CCDC14: variants seen among roughly 807,000 people sequenced by gnomAD.
CCDC14 encodes the protein coiled-coil domain containing 14, also known as coiled-coil domain-containing protein 14.
A neutral mutation model predicts 81.4 loss-of-function variants in CCDC14; 71 were observed. The observed-to-expected ratio is 0.87, with a 90% CI of 0.72 to 1.06. CCDC14 has a LOEUF of 1.06. Ranked by LOEUF, CCDC14 falls within the 50% of genes least tolerant of loss-of-function variation. The pLI, the probability that CCDC14 is intolerant of heterozygous loss-of-function variation, is 0.00. For missense variants in CCDC14, 1,046 were observed against 1,047.3 expected, an observed-to-expected ratio of 1.00 and a Z score of 0.02; for synonymous variants, 332 against 364.8, an observed-to-expected ratio of 0.91 and a Z score of 1.03.
chr3:123,892,771 T>C (rs1217659566), downstream of CCDC14, among the ~76,000 whole-genome samples: 2 of 152,174 alleles, frequency 1.3e-5, no homozygotes, highest in Non-Finnish European at 2.9e-5. Flanking sequence ...ACTTTTTTAT[T>C]GTAGCAAAAT....
rs185658957 is a variant in CCDC14 at position 123,952,992 on chromosome 3, G to A, written c.352+2851C>T. On this transcript the variant is annotated intron_variant, in intron 5 of 12. Coordinates refer to ENST00000409697, the MANE Select transcript of CCDC14 (RefSeq NM_001366335.1). The stretch of plus-strand genomic sequence containing the variant: ...TCCTTCCTTCTGATTAAGAAAATAT[G>A]GGAGAAAGAACAATAAGAATATTGC... 266 of 166,350 alleles carry A rather than the reference G, an allele frequency of 1.6e-3. 2 individuals are homozygous for A. The highest frequency in any genetic ancestry group is 9.5e-4 in the Non-Finnish European group (72 of 75,622). The allele number at this position is 166,350 out of a possible 1,614,324, so 10.3% of individuals were successfully genotyped here.
chr3:123,946,575 T>C (rs969205179), intron 8 of CCDC14, among the ~76,000 whole-genome samples: 1 of 152,108 alleles, frequency 6.6e-6, no homozygotes, highest in Non-Finnish European at 1.5e-5. Flanking sequence ...AAATACACAC[T>C]TGCAAGCAAA....
At chr3:123,951,187 TGA>T (rs1362929431) in intron 5 of CCDC14, among the ~76,000 whole-genome samples, 5 of 152,282 alleles carry the variant, frequency 3.3e-5, no homozygotes, top group South Asian at 2.1e-4. Context: ...ATAAGATTAT[TGA>T]GAGATGTAAA....
Position 123,931,288 on chromosome 3 carries a change from A to C in CCDC14, c.1645+20T>G. ...ATTCCTTTTAAAAGATGTGACCATA[A>C]CTACTGTCTAAATACGTACCAATTT... is the stretch of plus-strand genomic sequence containing the variant. On this transcript the variant is annotated intron_variant, in intron 11 of 12. Coordinates refer to ENST00000409697, the MANE Select transcript of CCDC14 (RefSeq NM_001366335.1). The C allele has an allele frequency of 6.4e-7, 1 of 1,571,004 alleles. No homozygotes were observed.
chr3:123,911,857 T>C (rs979376901), downstream of CCDC14, among the ~76,000 whole-genome samples: 3 of 152,192 alleles, frequency 2.0e-5, no homozygotes, highest in Non-Finnish European at 2.9e-5. Context: ...TCCATGTAGT[T>C]GGAGCAGGCC....
chr3:123,923,327 A>C (rs2035161334), intron 12 of CCDC14, among the ~76,000 whole-genome samples: 1 of 152,104 alleles, frequency 6.6e-6, no homozygotes, highest in Non-Finnish European at 1.5e-5. Flanking sequence ...TTAACATCAT[A>C]CTCAGTGATG....
chr3:123,933,685 A>G lies in CCDC14; in HGVS notation c.1414T>C (p.Cys472Arg). Residue 472 changes from cysteine to arginine, a missense_variant, in exon 10 of 13, where the codon TGC (cysteine) becomes CGC (arginine). Transcript: ENST00000409697. Reference protein sequence around the residue: ...KTQKPSGAVDCNLELFSLQSL... With the variant: ...KTQKPSGAVDRNLELFSLQSL... ...TTCTTTTACCTACATTCAAGGTTGC[A>G]ATCCACAGCACCAGATGGTTTTTGA... 1.3e-6 allele frequency: 2 copies of G among 1,571,826 alleles called. No homozygotes were observed. The highest frequency in any genetic ancestry group is 1.7e-6 in the Non-Finnish European group (2 of 1,155,760).
At chr3:123,946,029 A>G (rs892029440) in intron 8 of CCDC14, among the ~76,000 whole-genome samples, 2 of 152,198 alleles carry the variant, frequency 1.3e-5, no homozygotes, top group African/African-American at 4.8e-5. Context: ...ATGATTATGT[A>G]TCTGACTGTG....
At chr3:123,940,008 G>A (rs890740749) in intron 9 of CCDC14, among the ~76,000 whole-genome samples, 1 of 151,262 alleles carries the variant, frequency 6.6e-6, no homozygotes, top group African/African-American at 2.4e-5. Context: ...AAAATAAAAA[G>A]GTAAATATTA....
intron 5 of CCDC14, among the ~76,000 whole-genome samples, chr3:123,902,644 T>C (rs151108218): frequency 2.4e-4 from 36 of 152,312 alleles, no homozygotes; most frequent in Middle Eastern, 6.8e-3. Context: ...AAAAAGAATA[T>C]GGCAGGGGAG....
At chr3:123,921,141 C>G (rs562733939) in intron 12 of CCDC14, among the ~76,000 whole-genome samples, 11 of 152,232 alleles carry the variant, frequency 7.2e-5, no homozygotes, top group Admixed American at 7.2e-4. Flanking sequence ...AAAAAAGGAT[C>G]TACAAAACAA....
intron 12 of CCDC14, among the ~76,000 whole-genome samples, chr3:123,918,872 C>T (rs1189381576): frequency 6.6e-6 from 1 of 152,240 alleles, no homozygotes; most frequent in East Asian, 1.9e-4. Context: ...GTCAATAGCA[C>T]TGCTTTGCAG....
Position 123,956,239 on chromosome 3 carries a change from A to G in CCDC14, c.159+116T>C. ...TATTATTGGTAGAAAAGATGTTTTAAAGCAACAGACTTCATACTTCCTTAG... is the reference window on the plus strand; with the variant it reads ...TATTATTGGTAGAAAAGATGTTTTAGAGCAACAGACTTCATACTTCCTTAG... On this transcript the variant is annotated intron_variant, in intron 3 of 12. Transcript: ENST00000409697. The G allele has an allele frequency of 3.2e-6, 4 of 1,253,220 alleles. No homozygotes were observed. The South Asian group carries it at 5.9e-5, about 18-fold the overall frequency. 77.6% of individuals were successfully genotyped at this position (1,253,220 alleles called of 1,614,324 possible).
intron 9 of CCDC14, among the ~76,000 whole-genome samples, chr3:123,943,192 C>T (rs764717200): frequency 1.4e-4 from 21 of 151,882 alleles, no homozygotes; most frequent in Admixed American, 1.2e-3. Flanking sequence ...TGGCTGTCAA[C>T]ACCCACAGCC....
intron 9 of CCDC14, among the ~76,000 whole-genome samples, chr3:123,934,134 G>A (rs999470136): frequency 6.6e-5 from 10 of 151,898 alleles, no homozygotes; most frequent in South Asian, 4.2e-4. Context: ...TTAGCTGGGC[G>A]TAGTGGCGCG....
chr3:123,956,058 T>C lies in CCDC14; in HGVS notation c.217A>G (p.Asn73Asp). 1 of 1,544,674 alleles carries C rather than the reference T, an allele frequency of 6.5e-7. No homozygotes were observed. Among genetic ancestry groups the C allele is most frequent in the Non-Finnish European group, 8.7e-7 (1 of 1,144,824 alleles). The change falls in exon 4 of 13, where the codon AAT becomes GAT. Residue 73 changes from asparagine (N) to aspartate (D), a missense_variant. Coordinates refer to ENST00000409697, the MANE Select transcript of CCDC14 (RefSeq NM_001366335.1). ...CASLLRDILR[N>D]EDSGSETAYL... ...AAAAAAAAAAAACCTGAATCTTCAT[T>C]TCTCAAAATGTCCCTCAGCAAAGAA...
chr3:123,920,529 C>A (rs540881237), intron 12 of CCDC14, among the ~76,000 whole-genome samples: 1 of 152,218 alleles, frequency 6.6e-6, no homozygotes, highest in South Asian at 2.1e-4. Flanking sequence ...CACTAGGGAG[C>A]CTCAATATGG....
In CCDC14 at chr3:123,913,894, G is replaced by C; in HGVS notation, c.*885C>G. 1.0e-6 allele frequency: 1 copy of C among 985,374 alleles called. No homozygotes were observed. Among genetic ancestry groups the C allele is most frequent in the Non-Finnish European group, 1.2e-6 (1 of 829,834 alleles). 61.0% of individuals were successfully genotyped at this position (985,374 alleles called of 1,614,324 possible). ...TACTGAGCTAAGAAGTCCTGGTATA[G>C]AGAAGCAGAGAGACCAACCTACTTC... is the stretch of plus-strand genomic sequence containing the variant. On this transcript the variant is annotated 3_prime_UTR_variant, in exon 13 of 13. Coordinates refer to ENST00000409697, the MANE Select transcript of CCDC14 (RefSeq NM_001366335.1).
intron 5 of CCDC14, 140 bp from the exon 6 acceptor site, chr3:123,949,272 T>C (rs1250056278): frequency 1.0e-5 from 6 of 587,972 alleles, no homozygotes; most frequent in Non-Finnish European, 1.8e-5. Flanking sequence ...CTATCACCCC[T>C]ACTAAAGAAA....
Sources: gnomAD v4.1 joint callset for allele counts (sites outside exome capture counted in the v4.1 genomes callset) on GRCh38, gnomAD v4.1.1 for gene constraint, MANE v1.5 for transcripts, NCBI Gene and HGNC (gene_info 2026-07-23, HGNC 2026-07-21) for gene names.